Variants in PTPRG observed in about 807,000 individuals in gnomAD.
The protein encoded by PTPRG is receptor-type tyrosine-protein phosphatase gamma.
In PTPRG, 102 loss-of-function variants were observed where a neutral mutation model predicts 165.3. The observed-to-expected ratio is 0.62, with a 90% CI of 0.53 to 0.73. The LOEUF (loss-of-function observed/expected upper bound fraction) is 0.73. Among genes scored for constraint, PTPRG ranks in the 30% least tolerant of loss-of-function variants. The probability of loss-of-function intolerance (pLI) is 0.00; values close to 1 mark genes in which losing one functional copy is unlikely to be tolerated. For synonymous variants in PTPRG, 675 were observed against 669.5 expected (o/e 1.01, Z -0.13); for missense variants, 1,866 against 1,861.4 (o/e 1.00, Z -0.05).
intron 2 of PTPRG, among the ~76,000 whole-genome samples, chr3:61,904,025 A>C (rs2038573704): frequency 6.6e-6 from 1 of 152,172 alleles, no homozygotes; most frequent in African/African-American, 2.4e-5. Flanking sequence ...TTCTGTAAAT[A>C]GTCTCTTTCA....
chr3:61,843,238 T>C (rs1028762069), intron 2 of PTPRG, among the ~76,000 whole-genome samples: 1 of 152,032 alleles, frequency 6.6e-6, no homozygotes, highest in African/African-American at 2.4e-5. Flanking sequence ...CAGAAATAAC[T>C]TGAAAAAACA....
intron 1 of PTPRG, among the ~76,000 whole-genome samples, chr3:61,613,973 C>G (rs1351015858): frequency 1.3e-5 from 2 of 152,224 alleles, no homozygotes; most frequent in South Asian, 2.1e-4. Context: ...GAGCAGTGCT[C>G]TCTAAATTTA....
At chr3:61,742,375 A>G (rs1271925121) in intron 1 of PTPRG, 6 of 1,009,636 alleles carry the variant, frequency 5.9e-6, no homozygotes, top group African/African-American at 3.3e-5. Context: ...ACATTTTTAT[A>G]GGAAGAAATT....
At chr3:62,268,824 A>G (rs1701967831) in intron 19 of PTPRG, among the ~76,000 whole-genome samples, 1 of 152,310 alleles carries the variant, frequency 6.6e-6, no homozygotes, top group African/African-American at 2.4e-5. Flanking sequence ...TACTAGGCCC[A>G]TTTCTCACAT....
intron 2 of PTPRG, among the ~76,000 whole-genome samples, chr3:61,960,498 C>A (rs2040126224): frequency 1.3e-5 from 2 of 152,050 alleles, no homozygotes; most frequent in South Asian, 2.1e-4. Flanking sequence ...AGTCATAAAC[C>A]TAAGTTATGA....
At chr3:61,843,353 A>G (rs1170420599) in intron 2 of PTPRG, among the ~76,000 whole-genome samples, 1 of 152,208 alleles carries the variant, frequency 6.6e-6, no homozygotes, top group Non-Finnish European at 1.5e-5. Flanking sequence ...TTGTATATAT[A>G]CACACACATG....
chr3:62,257,487 A>G (rs1054154214), intron 16 of PTPRG, among the ~76,000 whole-genome samples: 2 of 152,150 alleles, frequency 1.3e-5, no homozygotes, highest in African/African-American at 4.8e-5. Context: ...GGATCATTCT[A>G]TTTCCTGAGG....
chr3:62,258,389 G>A (rs909067143), intron 16 of PTPRG, among the ~76,000 whole-genome samples: 1 of 152,130 alleles, frequency 6.6e-6, no homozygotes, highest in Non-Finnish European at 1.5e-5. Context: ...TCTGGTACTG[G>A]GGGAGGCCAG....
At chr3:62,187,880 G>A (rs1010681515) in intron 8 of PTPRG, among the ~76,000 whole-genome samples, 1 of 152,172 alleles carries the variant, frequency 6.6e-6, no homozygotes, top group Non-Finnish European at 1.5e-5. Context: ...ATCTTTGGAG[G>A]CCATTAAGTT....
intron 2 of PTPRG, among the ~76,000 whole-genome samples, chr3:61,876,904 ATTTAC>A (rs775293964): frequency 2.0e-5 from 3 of 152,004 alleles, no homozygotes; most frequent in Non-Finnish European, 2.9e-5. Context: ...GTCATAATGT[ATTTAC>A]TTAACTTAAG....
rs988185515 is a variant in PTPRG at position 62,271,191 on chromosome 3, A to G, written c.3010-192A>G. ...GTCTTCTCTTCTAAGTGATAGTGACACTTCATATCCAGCTTGGTAATGTCT... is the reference window on the plus strand; with the variant it reads ...GTCTTCTCTTCTAAGTGATAGTGACGCTTCATATCCAGCTTGGTAATGTCT... On this transcript the variant is annotated intron_variant, in intron 20 of 29. Transcript: ENST00000474889. This position sits in a 1 kb window ranked among gnomAD's most constrained non-coding sequence, Gnocchi z 4.1. Among the ~76,000 whole-genome samples the G allele has an allele frequency of 6.6e-6, 1 of 152,224 alleles. No individual in the cohort carries two copies. Among genetic ancestry groups the G allele is most frequent in the South Asian group, 2.1e-4 (1 of 4,824 alleles).
chr3:62,201,622 C>A, intron 11 of PTPRG, 68 bp downstream of exon 11: 2 of 1,480,708 alleles, frequency 1.4e-6, no homozygotes, highest in Non-Finnish European at 9.4e-7. Flanking sequence ...AAAACTGTCA[C>A]CACGAAGTGG....
At position 61,692,476 on chromosome 3, in the gene PTPRG, T is replaced by C. The variant is rs565298592; in HGVS notation, c.86-56402T>C. The stretch of plus-strand genomic sequence containing the variant: ...ACATTTTACAGTTTGGAAATTTTCA[T>C]GCGCGTCCGTGTGAAGAGACCACCA... On this transcript the variant is annotated intron_variant, in intron 1 of 29. Transcript: ENST00000474889. Among the ~76,000 whole-genome samples the C allele has an allele frequency of 5.3e-5, 8 of 152,330 alleles. No homozygotes were observed. The East Asian group carries it at 1.2e-3, about 22-fold the overall frequency.
intron 6 of PTPRG, among the ~76,000 whole-genome samples, chr3:62,151,715 A>G (rs1576068273): frequency 6.6e-6 from 1 of 151,922 alleles, no homozygotes; most frequent in African/African-American, 2.4e-5. Context: ...AGTGGCTGGG[A>G]CAGGAATGTT....
intron 2 of PTPRG, among the ~76,000 whole-genome samples, chr3:61,831,385 T>C (rs776891155): frequency 6.6e-6 from 1 of 152,254 alleles, no homozygotes; most frequent in Non-Finnish European, 1.5e-5. Context: ...CATAAAATCA[T>C]TGGGATAATT....
In PTPRG at chr3:61,773,276, T is replaced by C. The variant is rs377364504; in HGVS notation, c.190+24294T>C. On this transcript the variant is annotated intron_variant, in intron 2 of 29. Transcript: ENST00000474889. The stretch of plus-strand genomic sequence containing the variant: ...ATGATAGTTAATTACTAATTAGAAA[T>C]TTAGAAGATGAAATTTTACCAGGTA... Among the ~76,000 whole-genome samples the C allele has an allele frequency of 2.6e-5, 4 of 152,222 alleles. No individual in the cohort carries two copies. The East Asian group carries it at 7.7e-4, about 29-fold the overall frequency.
intron 2 of PTPRG, chr3:61,753,786 G>T: frequency 3.2e-6 from 1 of 307,858 alleles, no homozygotes; most frequent in Non-Finnish European, 6.4e-6. Flanking sequence ...AGTAGAGATG[G>T]GGTTTCACCA....
chr3:61,981,431 TA>T (rs2040642401), intron 2 of PTPRG, among the ~76,000 whole-genome samples: 1 of 152,218 alleles, frequency 6.6e-6, no homozygotes, highest in Non-Finnish European at 1.5e-5. Context: ...GAGATTCCAC[TA>T]ATTGCCATAT....
chr3:62,264,176 G>A (rs915110917), intron 17 of PTPRG: 5 of 152,162 alleles, frequency 3.3e-5, no homozygotes, highest in African/African-American at 1.2e-4. Flanking sequence ...GAAGTTAATG[G>A]GATGTGGTGG....
Sources: gnomAD v4.1 joint callset for allele counts (sites outside exome capture counted in the v4.1 genomes callset) on GRCh38, gnomAD v4.1.1 for gene constraint, Gnocchi (gnomAD v3.1) non-coding constraint, MANE v1.5 for transcripts, NCBI Gene and HGNC (gene_info 2026-07-23, HGNC 2026-07-21) for gene names.